Variants in CDIN1 observed in about 807,000 individuals in gnomAD.
CDIN1 encodes CDAN1 interacting nuclease 1.
CDIN1 carries 33 observed loss-of-function variants against 45.3 expected under a neutral mutation model. The observed-to-expected ratio is 0.73, with a 90% CI of 0.55 to 0.97. The LOEUF (loss-of-function observed/expected upper bound fraction) is 0.97. Among genes scored for constraint, CDIN1 ranks in the 50% least tolerant of loss-of-function variants. The pLI is 0.00. For synonymous variants in CDIN1, 118 were observed against 124.4 expected, an observed-to-expected ratio of 0.95 and a Z score of 0.34; for missense variants, 303 against 339.4, an observed-to-expected ratio of 0.89 and a Z score of 0.84.
At chr15:36,778,087 C>A (rs1346431388) in intron 10 of CDIN1, among the ~76,000 whole-genome samples, 1 of 152,148 alleles carries the variant, frequency 6.6e-6, no homozygotes, top group East Asian at 1.9e-4. Context: ...GAATGTAATC[C>A]TGAATATCAG....
At chr15:36,668,077 A>C (rs1051722546) in intron 5 of CDIN1, 1 of 152,120 alleles carries the variant, frequency 6.6e-6, no homozygotes, top group Non-Finnish European at 1.5e-5. Context: ...TCACTAAGCC[A>C]CCTAATCTCC....
chr15:36,787,798 T>C (rs1057144397), intron 10 of CDIN1, among the ~76,000 whole-genome samples: 12 of 151,700 alleles, frequency 7.9e-5, no homozygotes, highest in Non-Finnish European at 1.6e-4. Context: ...TCATTCCCAA[T>C]ATATAGCCAT....
chr15:36,608,515 T>G (rs11856429), intron 1 of CDIN1, among the ~76,000 whole-genome samples: 17,717 of 152,194 alleles, frequency 0.12, 1,047 homozygotes, highest in Middle Eastern at 0.14. Flanking sequence ...TTCTAATTGG[T>G]TTGTCATTTT....
chr15:36,657,739 A>T, intron 4 of CDIN1, 94 bp from the exon 5 acceptor site: 1 of 957,510 alleles, frequency 1.0e-6, no homozygotes, highest in Non-Finnish European at 1.6e-6. Context: ...ATGGTTGATT[A>T]AAATTGACTT....
intron 5 of CDIN1, among the ~76,000 whole-genome samples, chr15:36,680,120 G>A (rs28470917): frequency 1.3e-5 from 2 of 152,200 alleles, no homozygotes; most frequent in Non-Finnish European, 2.9e-5. Context: ...AGCTGTTGGA[G>A]GAATCAGGAT....
At chr15:36,606,612 G>A (rs1007242888) in intron 1 of CDIN1, among the ~76,000 whole-genome samples, 3 of 152,114 alleles carry the variant, frequency 2.0e-5, no homozygotes, top group Admixed American at 2.0e-4. Context: ...AAGCTTCTGG[G>A]TAAAAGCAGT....
chr15:36,738,327 GTT>G (rs1343197315), intron 10 of CDIN1, among the ~76,000 whole-genome samples: 1 of 152,092 alleles, frequency 6.6e-6, no homozygotes, highest in Non-Finnish European at 1.5e-5. Flanking sequence ...GTCCTTAAAT[GTT>G]TTTCCCATCT....
chr15:36,794,601 T>G (rs2054741745), intron 10 of CDIN1, among the ~76,000 whole-genome samples: 2 of 152,196 alleles, frequency 1.3e-5, no homozygotes, highest in Non-Finnish European at 2.9e-5. Context: ...TCCTTGGGGT[T>G]CAATCATGTT....
chr15:36,802,809 G>A lies in CDIN1; in HGVS notation c.717-5515G>A, dbSNP rs557619569. Among the ~76,000 whole-genome samples, 53 of 152,142 alleles carry A rather than the reference G, an allele frequency of 3.5e-4. 1 individual carries two copies. In the South Asian group the frequency reaches 0.01, roughly 30 times the overall value. Reference sequence around the variant, plus strand: ...TTATATCATATTCTGTCCAACATTCGCAATCTGGAATCCTCAGGGCTTATC... The same window carrying A: ...TTATATCATATTCTGTCCAACATTCACAATCTGGAATCCTCAGGGCTTATC... On this transcript the variant is annotated intron_variant, in intron 10 of 10. Coordinates refer to ENST00000566621, the MANE Select transcript of CDIN1 (RefSeq NM_001321759.2).
intron 1 of CDIN1, among the ~76,000 whole-genome samples, chr15:36,607,311 G>A (rs1001488229): frequency 6.6e-6 from 1 of 152,076 alleles, no homozygotes; most frequent in Non-Finnish European, 1.5e-5. Context: ...CATCTTATCT[G>A]GTGTGTCAGG....
intron 10 of CDIN1, among the ~76,000 whole-genome samples, chr15:36,710,808 G>A (rs373464113): frequency 1.2e-4 from 18 of 152,238 alleles, no homozygotes; most frequent in Admixed American, 3.9e-4. Context: ...AGCATCTGTG[G>A]GTAATAGCCT....
At chr15:36,792,343 T>C (rs1409728054) in intron 10 of CDIN1, among the ~76,000 whole-genome samples, 2 of 152,114 alleles carry the variant, frequency 1.3e-5, no homozygotes, top group Non-Finnish European at 2.9e-5. Context: ...TGGAAGTCCT[T>C]ATCTCCATAA....
intron 8 of CDIN1, chr15:36,705,460 A>G (rs1753507865): frequency 6.6e-6 from 1 of 152,196 alleles, no homozygotes; most frequent in Non-Finnish European, 1.5e-5. Flanking sequence ...GCTGGGACCA[A>G]CTGCAACTTG....
intron 1 of CDIN1, among the ~76,000 whole-genome samples, chr15:36,616,089 A>C (rs1048096519): frequency 6.6e-6 from 1 of 152,100 alleles, no homozygotes; most frequent in Non-Finnish European, 1.5e-5. Flanking sequence ...CCTTCTTCTC[A>C]TTATCTGGAA....
At chr15:36,708,004 C>G (rs2042930657) in intron 8 of CDIN1, 1 of 152,122 alleles carries the variant, frequency 6.6e-6, no homozygotes, top group African/African-American at 2.4e-5. Context: ...AGGATATTGA[C>G]TTTTAACAAA....
chr15:36,734,364 A>G (rs1037439), intron 10 of CDIN1: 103,724 of 426,306 alleles, frequency 0.24, 13,232 homozygotes, highest in African/African-American at 0.31. Context: ...TTCCAGAGGT[A>G]CTTTATTCCT....
At chr15:36,660,435 A>G (rs1010129282) in intron 5 of CDIN1, among the ~76,000 whole-genome samples, 2 of 152,132 alleles carry the variant, frequency 1.3e-5, no homozygotes, top group Non-Finnish European at 2.9e-5. Context: ...TATTACTTTC[A>G]TTAGATCAAT....
At chr15:36,752,141 C>T (rs752310202) in intron 10 of CDIN1, among the ~76,000 whole-genome samples, 8 of 152,020 alleles carry the variant, frequency 5.3e-5, no homozygotes, top group Non-Finnish European at 8.8e-5. Context: ...TACATGTACC[C>T]CAGAACTCGA....
At chr15:36,662,152 A>G (rs1178937211) in intron 5 of CDIN1, among the ~76,000 whole-genome samples, 1 of 152,138 alleles carries the variant, frequency 6.6e-6, no homozygotes, top group Non-Finnish European at 1.5e-5. Flanking sequence ...GCTTTCTTTC[A>G]TGTTGCTGTT....
Sources: gnomAD v4.1 joint callset for allele counts (sites outside exome capture counted in the v4.1 genomes callset) on GRCh38, gnomAD v4.1.1 for gene constraint, MANE v1.5 for transcripts, NCBI Gene and HGNC (gene_info 2026-07-23, HGNC 2026-07-21) for gene names.